TTC7A: variants seen among roughly 807,000 people sequenced by gnomAD.
TTC7A encodes tetratricopeptide repeat protein 7A.
In TTC7A, 110 loss-of-function variants were observed where a neutral mutation model predicts 103.7. That is an observed-to-expected ratio of 1.06 (90% confidence interval 0.91 to 1.24). The LOEUF (loss-of-function observed/expected upper bound fraction) is 1.24, where lower values mean the gene tolerates loss of function less well. Among genes scored for constraint, TTC7A ranks in the 50% most tolerant of loss-of-function variants. TTC7A has a pLI of 0.00. For missense variants in TTC7A, 1,340 were observed against 1,116.3 expected (o/e 1.20, Z -2.86); for synonymous variants, 521 against 467.9 (o/e 1.11, Z -1.47).
intron 7 of TTC7A, among the ~76,000 whole-genome samples, 165 bp downstream of exon 7, chr2:46,994,679 G>A (rs1558551712): frequency 6.6e-6 from 1 of 152,192 alleles, no homozygotes; most frequent in Non-Finnish European, 1.5e-5. Context: ...ACTAGAGAAG[G>A]CAGGTGTTGG....
chr2:47,075,143 A>G lies in TTC7A; in HGVS notation c.*1220A>G, dbSNP rs1685116345. 6.6e-6 allele frequency: 1 copy of G among 152,182 alleles called. No homozygotes were observed. The highest frequency in any genetic ancestry group is 1.5e-5 in the Non-Finnish European group (1 of 68,048). The allele number at this position is 152,182 out of a possible 1,614,324, so 9.4% of individuals were successfully genotyped here. A position where few individuals can be genotyped will look rare whatever the true frequency, so the allele number is the denominator to read the frequency against. On this transcript the variant is annotated 3_prime_UTR_variant, in exon 20 of 20. Transcript: ENST00000319190. The stretch of plus-strand genomic sequence containing the variant: ...GTGGGCTGTTGGAGACCCCCCATCC[A>G]TGGCACACTAGCTCAGCACTGCATT...
intron 15 of TTC7A, among the ~76,000 whole-genome samples, chr2:47,033,257 A>G (rs1354817037): frequency 6.6e-6 from 1 of 152,202 alleles, no homozygotes; most frequent in Non-Finnish European, 1.5e-5. Flanking sequence ...AATAACAAAA[A>G]CCAAACTCCC....
chr2:47,026,940 A>G (rs1034105804), intron 14 of TTC7A, among the ~76,000 whole-genome samples: 8 of 152,166 alleles, frequency 5.3e-5, no homozygotes, highest in Non-Finnish European at 8.8e-5. Context: ...GAGGGTGTTT[A>G]TCTGTCAGCC....
At chr2:46,967,207 C>G (rs1335139334) in intron 3 of TTC7A, among the ~76,000 whole-genome samples, 1 of 151,244 alleles carries the variant, frequency 6.6e-6, no homozygotes, top group Non-Finnish European at 1.5e-5. Context: ...AGCAAGATTC[C>G]GTCTCAAAAA....
intron 3 of TTC7A, among the ~76,000 whole-genome samples, chr2:46,965,439 C>A (rs1352944934): frequency 2.6e-5 from 4 of 152,138 alleles, no homozygotes; most frequent in Non-Finnish European, 5.9e-5. Flanking sequence ...AGGCTGGCTT[C>A]CAGATGGAGA....
chr2:46,977,830 C>T (rs1218160894), intron 4 of TTC7A, among the ~76,000 whole-genome samples: 1 of 152,124 alleles, frequency 6.6e-6, no homozygotes, highest in Non-Finnish European at 1.5e-5. Flanking sequence ...GCCTCGGCCT[C>T]CCAAAGTGCT....
At chr2:47,032,427 C>T (rs1485292286) in intron 15 of TTC7A, among the ~76,000 whole-genome samples, 1 of 152,152 alleles carries the variant, frequency 6.6e-6, no homozygotes, top group Non-Finnish European at 1.5e-5. Context: ...GGAACCTCTG[C>T]CGTGGGAACA....
chr2:47,057,411 T>A (rs534638243), intron 18 of TTC7A, among the ~76,000 whole-genome samples: 1 of 152,164 alleles, frequency 6.6e-6, no homozygotes, highest in Non-Finnish European at 1.5e-5. Context: ...CCCTGGCCTC[T>A]GGAAGAACCA....
Position 47,007,170 on chromosome 2 carries a change from C to G in TTC7A, c.1287+446C>G, listed in dbSNP as rs1677505569. Among the ~76,000 whole-genome samples, 1 of 152,066 alleles carries G rather than the reference C, an allele frequency of 6.6e-6. No homozygotes were observed. Among genetic ancestry groups the G allele is most frequent in the South Asian group, 2.1e-4 (1 of 4,822 alleles). ...CGGAGGGGAAGCTTAAAGGGCAGAG[C>G]AGAACAGCAGCACCCACAAGGGAGT... On this transcript the variant is annotated intron_variant, in intron 10 of 19. Transcript: ENST00000319190. This position sits in a 1 kb window ranked among gnomAD's most constrained non-coding sequence, Gnocchi z 4.9.
At chr2:47,073,003 G>A (rs1201139693) in intron 19 of TTC7A, among the ~76,000 whole-genome samples, 6 of 152,182 alleles carry the variant, frequency 3.9e-5, no homozygotes, top group South Asian at 2.1e-4. Context: ...TTCCCTGTGC[G>A]TGACCCAGAC....
At chr2:47,059,046 G>C (rs1284015452) in intron 18 of TTC7A, among the ~76,000 whole-genome samples, 9 of 103,112 alleles carry the variant, frequency 8.7e-5, no homozygotes. Context: ...TTTTGAGATG[G>C]AGTCTCACTC....
At chr2:47,003,750 C>A (rs60962761) in intron 8 of TTC7A, among the ~76,000 whole-genome samples, 1 of 152,156 alleles carries the variant, frequency 6.6e-6, no homozygotes, top group Non-Finnish European at 1.5e-5. Flanking sequence ...TAATGCTGCT[C>A]CTTCCTGTTC....
intron 11 of TTC7A, among the ~76,000 whole-genome samples, chr2:47,013,987 C>T (rs1354151026): frequency 6.6e-6 from 1 of 152,176 alleles, no homozygotes; most frequent in African/African-American, 2.4e-5. Flanking sequence ...CCCTGCACCT[C>T]CTACCTGTCT....
At chr2:46,955,522 G>C (rs1214357895) in intron 2 of TTC7A, among the ~76,000 whole-genome samples, 1 of 152,216 alleles carries the variant, frequency 6.6e-6, no homozygotes, top group Non-Finnish European at 1.5e-5. Context: ...TTCAGGAGAA[G>C]GTGGGCCTGA....
intron 1 of TTC7A, among the ~76,000 whole-genome samples, chr2:46,949,918 A>G (rs1369895190): frequency 1.3e-5 from 2 of 152,202 alleles, no homozygotes; most frequent in Non-Finnish European, 2.9e-5. Context: ...GGGGAAAACC[A>G]ATTATGGTTA....
intron 5 of TTC7A, among the ~76,000 whole-genome samples, chr2:46,983,872 A>G (rs1674735315): frequency 6.6e-6 from 1 of 152,210 alleles, no homozygotes; most frequent in Admixed American, 6.5e-5. Flanking sequence ...AAGGACCTGT[A>G]TAGGCACGAA....
intron 9 of TTC7A, 88 bp downstream of exon 9, chr2:47,006,147 C>A: frequency 6.5e-7 from 1 of 1,526,730 alleles, no homozygotes; most frequent in African/African-American, 1.4e-5. Context: ...CCTTCTCCAC[C>A]TGTCATTCCC....
chr2:47,028,198 T>A (rs1680124435), intron 14 of TTC7A, among the ~76,000 whole-genome samples: 1 of 152,178 alleles, frequency 6.6e-6, no homozygotes, highest in Admixed American at 6.5e-5. Flanking sequence ...AGTCCAGCTA[T>A]GGGCAGAGAC....
In TTC7A at chr2:46,978,808, C is replaced by T. The variant is rs759227495; in HGVS notation, c.665C>T (p.Thr222Met). 19 of 1,613,784 alleles carry T rather than the reference C, an allele frequency of 1.2e-5. No homozygotes were observed. The highest frequency in any genetic ancestry group is 5.0e-5 in the Admixed American group (3 of 59,980). ...QELEKTTNNS[T>M]SRHLKGCHPL... ...CCTTCCCAGACCACAAATAACAGCA[C>T]GTCGAGGCATCTGAAAGGCTGTCAC... Residue 222 changes from threonine to methionine, a missense_variant, in exon 5 of 20, where the codon ACG becomes ATG. Thr to Met is a moderately conservative substitution (Grantham distance 81). Coordinates refer to ENST00000319190, the MANE Select transcript of TTC7A (RefSeq NM_020458.4).
Sources: gnomAD v4.1 joint callset for allele counts (sites outside exome capture counted in the v4.1 genomes callset) on GRCh38, gnomAD v4.1.1 for gene constraint, Gnocchi (gnomAD v3.1) non-coding constraint, MANE v1.5 for transcripts, NCBI Gene and HGNC (gene_info 2026-07-23, HGNC 2026-07-21) for gene names.